The following VAV2 variants were observed in gnomAD, a reference collection of about 807,000 sequenced individuals.
The protein encoded by VAV2 is guanine nucleotide exchange factor VAV2.
A neutral mutation model predicts 132.5 loss-of-function variants in VAV2; 67 were observed. The ratio of observed to expected loss-of-function variants is 0.51; its 90% CI spans 0.42 to 0.62. The LOEUF (loss-of-function observed/expected upper bound fraction) is 0.62, where lower values mean the gene tolerates loss of function less well. Ranked by LOEUF, VAV2 falls within the 20% of genes least tolerant of loss-of-function variation. The pLI is 0.00. For synonymous variants in VAV2, 492 were observed against 443.5 expected (o/e 1.11, Z -1.37); for missense variants, 938 against 1,153.6 (o/e 0.81, Z 2.71).
At chr9:133,900,859 C>A (rs962204834) in intron 2 of VAV2, among the ~76,000 whole-genome samples, 3 of 151,474 alleles carry the variant, frequency 2.0e-5, no homozygotes, top group Admixed American at 6.6e-5. Flanking sequence ...AGTGCAGTGG[C>A]AGGATCTCAA....
intron 1 of VAV2, among the ~76,000 whole-genome samples, chr9:133,973,180 C>T (rs775996948): frequency 3.9e-5 from 6 of 152,108 alleles, no homozygotes; most frequent in Admixed American, 6.5e-5. Flanking sequence ...CCCCTGTCTG[C>T]ACACAGTTGA....
chr9:133,965,494 C>A (rs1339130186), intron 1 of VAV2, among the ~76,000 whole-genome samples: 572 of 122,576 alleles, frequency 4.7e-3, no homozygotes, highest in South Asian at 5.4e-3. Context: ...GCGAGACTGT[C>A]AAAAAAAAAA....
At chr9:133,849,031 T>C (rs1018495311) in intron 3 of VAV2, among the ~76,000 whole-genome samples, 2 of 152,256 alleles carry the variant, frequency 1.3e-5, no homozygotes, top group African/African-American at 4.8e-5. Flanking sequence ...CCGATAATGT[T>C]ACCCAGCTGC....
intron 2 of VAV2, among the ~76,000 whole-genome samples, chr9:133,908,021 G>A (rs1254787797): frequency 3.6e-5 from 4 of 112,598 alleles, no homozygotes; most frequent in Non-Finnish European, 7.2e-5. Flanking sequence ...CCCAGAGAGT[G>A]GAGGGAGGGT....
chr9:133,982,748 G>A (rs1842738359), intron 1 of VAV2, among the ~76,000 whole-genome samples: 1 of 152,228 alleles, frequency 6.6e-6, no homozygotes. Flanking sequence ...GCTAAGAAAG[G>A]TTTTTACGTT....
At chr9:133,811,352 C>G (rs1378689128) in intron 5 of VAV2, among the ~76,000 whole-genome samples, 5 of 152,230 alleles carry the variant, frequency 3.3e-5, no homozygotes, top group Non-Finnish European at 7.3e-5. Flanking sequence ...CTGGTTACTC[C>G]CACACTAAAG....
At chr9:133,923,280 T>C (rs965973289) in intron 2 of VAV2, among the ~76,000 whole-genome samples, 5 of 151,454 alleles carry the variant, frequency 3.3e-5, no homozygotes, top group African/African-American at 1.2e-4. Flanking sequence ...CAGTACGGAG[T>C]TTCCTCAAAA....
Position 133,772,950 on chromosome 9 carries a change from A to G in VAV2, c.2136-904T>C, listed in dbSNP as rs114256211. 3.1e-3 allele frequency among the ~76,000 whole-genome samples: 194 copies of G among 62,298 alleles called. 26 individuals are homozygous for G. The highest frequency in any genetic ancestry group is 9.4e-3 in the African/African-American group (174 of 18,462). 40.9% of individuals were successfully genotyped at this position (62,298 alleles called of 152,430 possible). A position where few individuals can be genotyped will look rare whatever the true frequency, so the allele number is the denominator to read the frequency against. The stretch of plus-strand genomic sequence containing the variant: ...ACACACCCTATACCTAAGCTGAATG[A>G]TGGAGCCTACTGCACGCCCCACAAC... On this transcript the variant is annotated intron_variant, in intron 25 of 29. Transcript: ENST00000371850.
At position 133,883,843 on chromosome 9, in the gene VAV2, T is replaced by G. The variant is rs1838596217; in HGVS notation, c.322-22411A>C. ...AGGTGACTAGCAACTTTGCTTAAAT[T>G]GATTCTAGTAGGCCCGGTGTGGTGG... On this transcript the variant is annotated intron_variant, in intron 2 of 29. Transcript: ENST00000371850. This position sits in a 1 kb window ranked among gnomAD's most constrained non-coding sequence, Gnocchi z 4.2. Among the ~76,000 whole-genome samples, 1 of 152,128 alleles carries G rather than the reference T, an allele frequency of 6.6e-6. No homozygotes were observed. Among genetic ancestry groups the G allele is most frequent in the Non-Finnish European group, 1.5e-5 (1 of 68,018 alleles).
At chr9:133,954,599 C>T (rs749174308) in intron 1 of VAV2, among the ~76,000 whole-genome samples, 14 of 152,260 alleles carry the variant, frequency 9.2e-5, no homozygotes, top group Non-Finnish European at 2.1e-4. Flanking sequence ...CAGCCAAGCA[C>T]TTACATGTGC....
chr9:133,911,759 A>C (rs1156829261), intron 2 of VAV2, among the ~76,000 whole-genome samples: 1 of 152,236 alleles, frequency 6.6e-6, no homozygotes, highest in East Asian at 1.9e-4. Context: ...GCATTAAACA[A>C]GGTCCGCCTG....
chr9:133,903,099 G>A (rs1479899352), intron 2 of VAV2, among the ~76,000 whole-genome samples: 4 of 140,474 alleles, frequency 2.8e-5, no homozygotes, highest in Non-Finnish European at 4.7e-5. Flanking sequence ...AAAAAAAAGA[G>A]GTAGTTTGGA....
intron 2 of VAV2, among the ~76,000 whole-genome samples, chr9:133,868,643 G>A (rs1404204389): frequency 6.6e-6 from 1 of 152,270 alleles, no homozygotes; most frequent in Non-Finnish European, 1.5e-5. Flanking sequence ...ACTAGGCTCA[G>A]GGCCAGAAGC....
chr9:133,810,076 A>C, intron 6 of VAV2, 115 bp downstream of exon 6: 2 of 1,466,896 alleles, frequency 1.4e-6, no homozygotes, highest in Admixed American at 3.8e-5. Flanking sequence ...GTGCCTGACC[A>C]TGTCTTCCTG....
chr9:133,795,929 T>G (rs1044402505), intron 11 of VAV2, among the ~76,000 whole-genome samples, 193 bp from the exon 12 acceptor site: 3 of 152,230 alleles, frequency 2.0e-5, no homozygotes, highest in African/African-American at 7.2e-5. Flanking sequence ...GATACCCCAC[T>G]TCTTGGCAGG....
intron 4 of VAV2, among the ~76,000 whole-genome samples, chr9:133,822,490 G>A (rs1036423941): frequency 5.9e-5 from 9 of 152,184 alleles, no homozygotes; most frequent in East Asian, 1.9e-4. Flanking sequence ...GAGATAGACA[G>A]ACAGACAGAC....
At chr9:133,908,484 CA>C (rs1372551382) in intron 2 of VAV2, among the ~76,000 whole-genome samples, 1 of 152,040 alleles carries the variant, frequency 6.6e-6, no homozygotes, top group Non-Finnish European at 1.5e-5. Context: ...CTGATGCCCC[CA>C]AGCCAGACAA....
chr9:133,891,843 A>G (rs115543768), intron 2 of VAV2, among the ~76,000 whole-genome samples: 411 of 7,068 alleles, frequency 0.058, 26 homozygotes, highest in African/African-American at 0.19. Context: ...GAGGGATGGA[A>G]GGGGATGGAG....
chr9:133,924,839 GA>G (rs1278093014), intron 2 of VAV2, among the ~76,000 whole-genome samples: 1 of 152,250 alleles, frequency 6.6e-6, no homozygotes, highest in Non-Finnish European at 1.5e-5. Flanking sequence ...CAGGTGCATA[GA>G]TGGACAAGCT....
Sources: gnomAD v4.1 joint callset for allele counts (sites outside exome capture counted in the v4.1 genomes callset) on GRCh38, gnomAD v4.1.1 for gene constraint, Gnocchi (gnomAD v3.1) non-coding constraint, MANE v1.5 for transcripts, NCBI Gene and HGNC (gene_info 2026-07-23, HGNC 2026-07-21) for gene names.